ESRRB: variants seen among roughly 807,000 people sequenced by gnomAD.
ESRRB encodes the protein estrogen related receptor beta.
A neutral mutation model predicts 46.0 loss-of-function variants in ESRRB; 16 were observed. That is an observed-to-expected ratio of 0.35 (90% CI 0.24 to 0.53). The LOEUF (loss-of-function observed/expected upper bound fraction) is 0.53. Ranked by LOEUF, ESRRB falls within the 20% of genes least tolerant of loss-of-function variation. The probability of loss-of-function intolerance (pLI) is 0.93; values close to 1 mark genes in which losing one functional copy is unlikely to be tolerated. For missense variants in ESRRB, 488 were observed against 607.4 expected, an observed-to-expected ratio of 0.80 and a Z score of 2.07; for synonymous variants, 246 against 259.6, an observed-to-expected ratio of 0.95 and a Z score of 0.50.
intron 1 of ESRRB, among the ~76,000 whole-genome samples, chr14:76,325,743 T>C (rs553609019): frequency 1.3e-5 from 2 of 152,274 alleles, no homozygotes; most frequent in South Asian, 4.1e-4. Flanking sequence ...ACTAAACAAG[T>C]AGGGCTTGGA....
At chr14:76,456,035 C>T (rs1595136068) in intron 2 of ESRRB, among the ~76,000 whole-genome samples, 1 of 129,128 alleles carries the variant, frequency 7.7e-6, no homozygotes, top group Non-Finnish European at 1.6e-5. Context: ...AAGAGCGAAA[C>T]TCGCACACAC....
chr14:76,423,033 T>C (rs1303688204), intron 1 of ESRRB, among the ~76,000 whole-genome samples: 1 of 152,110 alleles, frequency 6.6e-6, no homozygotes, highest in African/African-American at 2.4e-5. Context: ...TGAGTTGCTC[T>C]CAGACTAGCC....
chr14:76,432,671 C>CTCT lies in ESRRB; in HGVS notation c.51-6669_51-6668insCTT, dbSNP rs761684349. On this transcript the variant is annotated intron_variant, in intron 1 of 6. Coordinates refer to ENST00000644823, the MANE Select transcript of ESRRB (RefSeq NM_001379180.1). ...TACTGAATAAGCTATTTCTCTCTCT[C>CTCT]TTTTTTTTTTTTTTTTTTTTCTGAG... Among the ~76,000 whole-genome samples, 234 of 111,448 alleles carry CTCT rather than the reference C, an allele frequency of 2.1e-3. 5 individuals carry two copies. Among genetic ancestry groups the CTCT allele is most frequent in the Non-Finnish European group, 3.2e-3 (193 of 59,664 alleles). The allele number at this position is 111,448 out of a possible 152,430, so 73.1% of individuals were successfully genotyped here.
chr14:76,399,155 T>C (rs1204325309), intron 1 of ESRRB, among the ~76,000 whole-genome samples: 1 of 152,044 alleles, frequency 6.6e-6, no homozygotes, highest in Non-Finnish European at 1.5e-5. Flanking sequence ...TGTGGCTGTG[T>C]GATGAGGGAG....
In ESRRB at chr14:76,498,524, C is replaced by G; in HGVS notation, c.*66C>G. 1 of 1,611,128 alleles carries G rather than the reference C, an allele frequency of 6.2e-7. No individual in the cohort carries two copies. Among genetic ancestry groups the G allele is most frequent in the Non-Finnish European group, 8.5e-7 (1 of 1,179,510 alleles). Reference sequence around the variant, plus strand: ...AACGGACAGACCGAGGTGGAGACCTCCACAGCCACCAGCCTCCACCTTCAA... The same window carrying G: ...AACGGACAGACCGAGGTGGAGACCTGCACAGCCACCAGCCTCCACCTTCAA... On this transcript the variant is annotated 3_prime_UTR_variant, in exon 7 of 7. Coordinates refer to ENST00000644823, the MANE Select transcript of ESRRB (RefSeq NM_001379180.1).
chr14:76,380,402 C>T (rs917753818), intron 1 of ESRRB, among the ~76,000 whole-genome samples: 6 of 152,146 alleles, frequency 3.9e-5, no homozygotes, highest in African/African-American at 4.8e-5. Context: ...GACTCTGCAG[C>T]GCCCTTCTCT....
chr14:76,313,471 T>A (rs1003736476), intron 1 of ESRRB, among the ~76,000 whole-genome samples: 2 of 152,092 alleles, frequency 1.3e-5, no homozygotes, highest in Admixed American at 6.5e-5. Flanking sequence ...GTTTTATGGG[T>A]TCCCCCCACC....
intron 1 of ESRRB, among the ~76,000 whole-genome samples, chr14:76,435,695 G>C (rs1480616442): frequency 2.0e-5 from 3 of 152,236 alleles, no homozygotes; most frequent in Non-Finnish European, 4.4e-5. Context: ...GTCAGTCGTG[G>C]TGGCGGGAGC....
chr14:76,490,577 G>T (rs1326049293), intron 5 of ESRRB, among the ~76,000 whole-genome samples: 3 of 152,236 alleles, frequency 2.0e-5, no homozygotes, highest in Admixed American at 2.0e-4. Context: ...GTTTTCACAA[G>T]TTCAGCCTAC....
chr14:76,397,854 C>T (rs982348983), intron 1 of ESRRB, among the ~76,000 whole-genome samples: 2 of 152,186 alleles, frequency 1.3e-5, no homozygotes, highest in East Asian at 1.9e-4. Flanking sequence ...AGCAGAAAGT[C>T]GCCTGTGGCA....
intron 1 of ESRRB, among the ~76,000 whole-genome samples, chr14:76,313,943 C>T (rs964813790): frequency 5.9e-5 from 9 of 151,586 alleles, no homozygotes; most frequent in Admixed American, 1.3e-4. Context: ...AATAGTGGAG[C>T]GGTGGAGGGC....
chr14:76,339,109 A>T (rs1426792253), intron 1 of ESRRB, among the ~76,000 whole-genome samples: 1 of 152,218 alleles, frequency 6.6e-6, no homozygotes, highest in East Asian at 1.9e-4. Flanking sequence ...TGAATTTATT[A>T]TGTATCTTTC....
At position 76,439,734 on chromosome 14, in the gene ESRRB, C is replaced by T. The variant is rs1442873120; in HGVS notation, c.444C>T (p.Phe148=). ...CCTGCGAGGCTTGCAAGGCCTTCTTCAAGAGGACTATCCAAGGTGCGTGGT... is the reference window on the plus strand; with the variant it reads ...CCTGCGAGGCTTGCAAGGCCTTCTTTAAGAGGACTATCCAAGGTGCGTGGT... The part of the protein sequence containing the change: ...VASCEACKAF[F]KRTIQGNIEY... The change falls in exon 2 of 7, where the codon TTC becomes TTT. Residue 148 remains phenylalanine (F), a synonymous_variant. Coordinates refer to ENST00000644823, the MANE Select transcript of ESRRB (RefSeq NM_001379180.1). 6.2e-7 allele frequency: 1 copy of T among 1,613,986 alleles called. No individual in the cohort carries two copies. Among genetic ancestry groups the T allele is most frequent in the Non-Finnish European group, 8.5e-7 (1 of 1,179,830 alleles).
At chr14:76,409,737 A>C (rs1053726025) in intron 1 of ESRRB, among the ~76,000 whole-genome samples, 8 of 151,916 alleles carry the variant, frequency 5.3e-5, no homozygotes, top group African/African-American at 1.7e-4. Context: ...CAAATACATT[A>C]GCCAAACAAG....
intron 5 of ESRRB, among the ~76,000 whole-genome samples, chr14:76,487,826 A>G (rs952082373): frequency 6.6e-6 from 1 of 151,698 alleles, no homozygotes; most frequent in Admixed American, 6.6e-5. Context: ...CTGGCATTAC[A>G]CTCCTGGGCT....
At chr14:76,395,222 C>T (rs12586444) in intron 1 of ESRRB, among the ~76,000 whole-genome samples, 68,114 of 152,084 alleles carry the variant, frequency 0.45, 15,853 homozygotes, top group Middle Eastern at 0.57. Flanking sequence ...CCATGGCTGG[C>T]ATAGAAATAT....
intron 3 of ESRRB, among the ~76,000 whole-genome samples, chr14:76,479,070 C>T (rs1026148759): frequency 4.6e-5 from 7 of 152,200 alleles, no homozygotes; most frequent in African/African-American, 1.4e-4. Context: ...GTGCAAATCA[C>T]CTTGTCTGAT....
chr14:76,327,638 G>A (rs1883951178), intron 1 of ESRRB, among the ~76,000 whole-genome samples: 1 of 152,122 alleles, frequency 6.6e-6, no homozygotes, highest in African/African-American at 2.4e-5. Context: ...GTAGCCTATG[G>A]CTTACGGCTG....
intron 2 of ESRRB, 64 bp from the exon 3 acceptor site, chr14:76,462,481 T>C: frequency 2.4e-6 from 3 of 1,245,284 alleles, no homozygotes; most frequent in Admixed American, 1.8e-5. Flanking sequence ...CAGCCAGCCC[T>C]GCGCTGGCAG....
Sources: gnomAD v4.1 joint callset for allele counts (sites outside exome capture counted in the v4.1 genomes callset) on GRCh38, gnomAD v4.1.1 for gene constraint, MANE v1.5 for transcripts, NCBI Gene and HGNC (gene_info 2026-07-23, HGNC 2026-07-21) for gene names.